RARB: variants seen among roughly 807,000 people sequenced by gnomAD.
RARB encodes retinoic acid receptor beta, also known as HBV-activated protein.
RARB carries 17 observed loss-of-function variants against 51.9 expected under a neutral mutation model. The ratio of observed to expected loss-of-function variants is 0.33; its 90% CI spans 0.22 to 0.49. The LOEUF (loss-of-function observed/expected upper bound fraction) is 0.49, where lower values mean the gene tolerates loss of function less well. Ranked by LOEUF, RARB falls within the 20% of genes least tolerant of loss-of-function variation. The probability of loss-of-function intolerance (pLI) is 0.99; values close to 1 mark genes in which losing one functional copy is unlikely to be tolerated. For synonymous variants in RARB, 215 were observed against 195.4 expected, an observed-to-expected ratio of 1.10 and a Z score of -0.84; for missense variants, 369 against 550.8, an observed-to-expected ratio of 0.67 and a Z score of 3.30.
At chr3:25,107,503 T>TAA (rs1699529268) in intron 3 of RARB, among the ~76,000 whole-genome samples, 1 of 152,196 alleles carries the variant, frequency 6.6e-6, no homozygotes, top group South Asian at 2.1e-4. Context: ...AATTCATGCA[T>TAA]ATATTAAAGA....
chr3:25,349,663 AC>A (rs1363334938), intron 5 of RARB, among the ~76,000 whole-genome samples: 1 of 152,226 alleles, frequency 6.6e-6, no homozygotes, highest in Non-Finnish European at 1.5e-5. Flanking sequence ...TTCTAAACAA[AC>A]AAAAAAAAAT....
At chr3:25,056,983 A>T (rs1698454130) in intron 2 of RARB, among the ~76,000 whole-genome samples, 1 of 152,056 alleles carries the variant, frequency 6.6e-6, no homozygotes, top group Non-Finnish European at 1.5e-5. Flanking sequence ...CTTCATTGTT[A>T]GATGTTCAGA....
At chr3:25,084,536 A>C (rs1699070158) in intron 3 of RARB, among the ~76,000 whole-genome samples, 1 of 31,216 alleles carries the variant, frequency 3.2e-5, no homozygotes, top group South Asian at 4.5e-4. Flanking sequence ...TTCTTTACAC[A>C]TCATTAATCC....
chr3:25,581,083 A>G (rs1701154754), intron 5 of RARB, among the ~76,000 whole-genome samples: 1 of 152,132 alleles, frequency 6.6e-6, no homozygotes, highest in Non-Finnish European at 1.5e-5. Context: ...CTGAGTAATC[A>G]TTGCCACTCT....
chr3:25,178,872 T>G (rs1376873475), intron 5 of RARB, among the ~76,000 whole-genome samples: 1 of 152,220 alleles, frequency 6.6e-6, no homozygotes, highest in African/African-American at 2.4e-5. Flanking sequence ...GCTGTCTGTC[T>G]GTCTCTCTTT....
At chr3:25,338,742 G>T (rs2125449422) in intron 5 of RARB, among the ~76,000 whole-genome samples, 1 of 152,244 alleles carries the variant, frequency 6.6e-6, no homozygotes, top group African/African-American at 2.4e-5. Context: ...ATACAGGAAA[G>T]GCTGACATTC....
intron 2 of RARB, among the ~76,000 whole-genome samples, chr3:24,893,412 G>A (rs912630938): frequency 6.6e-6 from 1 of 150,902 alleles, no homozygotes; most frequent in Admixed American, 6.6e-5. Flanking sequence ...ATTTTTTTTT[G>A]CCACCTACTC....
At chr3:25,177,057 G>A (rs904856685) in intron 5 of RARB, among the ~76,000 whole-genome samples, 9 of 152,190 alleles carry the variant, frequency 5.9e-5, no homozygotes, top group African/African-American at 1.9e-4. Flanking sequence ...ACTAGGTACA[G>A]AAAGTTCAGG....
At chr3:25,538,391 C>G (rs1382365364) in intron 3 of RARB, among the ~76,000 whole-genome samples, 1 of 152,112 alleles carries the variant, frequency 6.6e-6, no homozygotes, top group Non-Finnish European at 1.5e-5. Flanking sequence ...ATTTTGAATT[C>G]TATCTTTACA....
chr3:25,581,909 T>C (rs141838483), intron 5 of RARB, among the ~76,000 whole-genome samples: 1 of 152,092 alleles, frequency 6.6e-6, no homozygotes, highest in African/African-American at 2.4e-5. Flanking sequence ...ATGTTGTTGT[T>C]TAAGGGGCCA....
At chr3:25,189,759 C>A (rs1381687437) in intron 5 of RARB, among the ~76,000 whole-genome samples, 1 of 152,026 alleles carries the variant, frequency 6.6e-6, no homozygotes, top group Non-Finnish European at 1.5e-5. Flanking sequence ...GTGGTGGGCG[C>A]CTGTAATCGC....
intron 6 of RARB, 98 bp downstream of exon 6, chr3:25,593,805 A>C: frequency 2.6e-6 from 3 of 1,133,308 alleles, no homozygotes; most frequent in Middle Eastern, 2.5e-4. Flanking sequence ...GAGTTGTTTT[A>C]CATGGGAAAA....
intron 2 of RARB, among the ~76,000 whole-genome samples, chr3:25,481,168 T>C (rs148060001): frequency 1.3e-5 from 2 of 152,288 alleles, no homozygotes; most frequent in East Asian, 1.9e-4. Context: ...GATCATACAA[T>C]GATTAGGCAA....
At chr3:25,006,783 G>A (rs548187810) in intron 2 of RARB, among the ~76,000 whole-genome samples, 31 of 152,274 alleles carry the variant, frequency 2.0e-4, no homozygotes, top group Admixed American at 1.6e-3. Context: ...TCCAGGAGTA[G>A]ACATTACACC....
intron 5 of RARB, among the ~76,000 whole-genome samples, chr3:25,320,096 A>T (rs994716934): frequency 2.0e-5 from 3 of 151,044 alleles, no homozygotes; most frequent in African/African-American, 4.9e-5. Flanking sequence ...AGACCAAGGC[A>T]AGCGCTGCTA....
intron 5 of RARB, among the ~76,000 whole-genome samples, chr3:25,399,855 C>G (rs1268397543): frequency 2.0e-5 from 3 of 152,206 alleles, no homozygotes; most frequent in Non-Finnish European, 2.9e-5. Context: ...ACCTCTGGGT[C>G]TCCCACCACG....
chr3:24,975,286 G>T lies in RARB; in HGVS notation c.-379-84839G>T, dbSNP rs917562077. Among the ~76,000 whole-genome samples, 6 of 152,122 alleles carry T rather than the reference G, an allele frequency of 3.9e-5. No homozygotes were observed. The South Asian group carries it at 1.2e-3, about 32-fold the overall frequency. On this transcript the variant is annotated intron_variant, in intron 2 of 11. Transcript: ENST00000383772. ...ATAAATGATAGTTGCTATTATTACTGTTATTTCTAAAATTAACACTACTGT... is the reference window on the plus strand; with the variant it reads ...ATAAATGATAGTTGCTATTATTACTTTTATTTCTAAAATTAACACTACTGT...
chr3:25,420,863 G>A (rs1168205816), intron 5 of RARB, among the ~76,000 whole-genome samples: 1 of 151,968 alleles, frequency 6.6e-6, no homozygotes, highest in Non-Finnish European at 1.5e-5. Context: ...TGGATGGATG[G>A]ATGGAAAGAT....
At chr3:25,250,107 A>T (rs1283418415) in intron 5 of RARB, among the ~76,000 whole-genome samples, 2 of 152,072 alleles carry the variant, frequency 1.3e-5, no homozygotes, top group Non-Finnish European at 2.9e-5. Flanking sequence ...CTGTGACAGG[A>T]TGAACAGATC....
Sources: gnomAD v4.1 joint callset for allele counts (sites outside exome capture counted in the v4.1 genomes callset) on GRCh38, gnomAD v4.1.1 for gene constraint, MANE v1.5 for transcripts, NCBI Gene and HGNC (gene_info 2026-07-23, HGNC 2026-07-21) for gene names.